Variants in OTUD7A observed in about 807,000 individuals in gnomAD.
OTUD7A encodes OTU domain-containing protein 7A.
Under a neutral mutation model 65.7 loss-of-function variants are expected in OTUD7A, and 12 were observed. That is an observed-to-expected ratio of 0.18 (90% CI 0.12 to 0.30). The LOEUF is 0.30. OTUD7A is among the 10% of genes least tolerant of loss of function. The pLI is 1.00. For missense variants in OTUD7A, 1,148 were observed against 1,304.8 expected, an observed-to-expected ratio of 0.88 and a Z score of 1.85; for synonymous variants, 641 against 586.3, an observed-to-expected ratio of 1.09 and a Z score of -1.35.
chr15:31,533,352 T>G (rs961086864), intron 5 of OTUD7A, among the ~76,000 whole-genome samples: 8 of 151,536 alleles, frequency 5.3e-5, no homozygotes, highest in Non-Finnish European at 1.0e-4. Context: ...TTTTCCTGCC[T>G]CAACCTCCTA....
At chr15:31,535,376 T>C (rs1250392622) in intron 5 of OTUD7A, among the ~76,000 whole-genome samples, 2 of 152,150 alleles carry the variant, frequency 1.3e-5, no homozygotes, top group Non-Finnish European at 2.9e-5. Flanking sequence ...TGATTGTAAG[T>C]TTCCTGAAGC....
chr15:31,695,219 A>G (rs1388274613), intron 1 of OTUD7A, among the ~76,000 whole-genome samples: 1 of 46,018 alleles, frequency 2.2e-5, no homozygotes, highest in South Asian at 1.9e-3. Flanking sequence ...TTGTGGATAG[A>G]GTGCTGCAGT....
At chr15:31,495,987 G>A (rs982898778) in intron 10 of OTUD7A, among the ~76,000 whole-genome samples, 2 of 150,508 alleles carry the variant, frequency 1.3e-5, no homozygotes, top group Non-Finnish European at 2.9e-5. Flanking sequence ...GATCTGTTGA[G>A]CCTGGGAGGT....
intron 1 of OTUD7A, among the ~76,000 whole-genome samples, chr15:31,697,722 C>T (rs757431731): frequency 6.6e-5 from 10 of 152,360 alleles, no homozygotes; most frequent in African/African-American, 1.9e-4. Flanking sequence ...AGCATGCACA[C>T]CTGCTTAAAG....
chr15:31,684,055 A>G (rs1296384495), intron 1 of OTUD7A, among the ~76,000 whole-genome samples: 1 of 152,228 alleles, frequency 6.6e-6, no homozygotes, highest in East Asian at 1.9e-4. Context: ...GTAAGTTGGA[A>G]GCAATTGATT....
intron 2 of OTUD7A, among the ~76,000 whole-genome samples, chr15:31,655,962 C>T (rs1393586459): frequency 1.3e-5 from 2 of 152,164 alleles, no homozygotes; most frequent in African/African-American, 4.8e-5. Context: ...CATCCTACCC[C>T]CTCAGCTCTC....
At chr15:31,668,918 C>G (rs1024834995) in intron 1 of OTUD7A, among the ~76,000 whole-genome samples, 1 of 152,214 alleles carries the variant, frequency 6.6e-6, no homozygotes, top group Non-Finnish European at 1.5e-5. Context: ...ACTGCTGTCT[C>G]TCTTCTGGGT....
In OTUD7A at chr15:31,564,483, A is replaced by G. The variant is rs544073246; in HGVS notation, c.332-5296T>C. Among the ~76,000 whole-genome samples, 4 of 152,060 alleles carry G rather than the reference A, an allele frequency of 2.6e-5. No individual in the cohort carries two copies. The South Asian group carries it at 8.3e-4, about 32-fold the overall frequency. On this transcript the variant is annotated intron_variant, in intron 4 of 12. Transcript: ENST00000307050. ...AGCAAAGGCAACAAAAAGTATCTAA[A>G]TAAGATTGAGAGCAAGTAGAGGCAG...
rs912318882 is a variant in OTUD7A at position 31,484,870 on chromosome 15, G to C, written c.1372-146C>G. Reference sequence around the variant, plus strand: ...AGTCCCCACTGTCGCTCTGGTGACTGTGACATCCGGATGGGCGGTGCTGAA... The same window carrying C: ...AGTCCCCACTGTCGCTCTGGTGACTCTGACATCCGGATGGGCGGTGCTGAA... On this transcript the variant is annotated intron_variant, in intron 12 of 12. Transcript: ENST00000307050. The surrounding 1 kb of genome is among the most constrained non-coding windows in gnomAD (Gnocchi z 4.5). 2 of 1,408,506 alleles carry C rather than the reference G, an allele frequency of 1.4e-6. No individual in the cohort carries two copies. Among genetic ancestry groups the C allele is most frequent in the South Asian group, 1.5e-5 (1 of 68,598 alleles). 87.3% of individuals were successfully genotyped at this position (1,408,506 alleles called of 1,614,324 possible).
chr15:31,560,109 C>T (rs896905432), intron 4 of OTUD7A, among the ~76,000 whole-genome samples: 1 of 152,234 alleles, frequency 6.6e-6, no homozygotes, highest in Admixed American at 6.5e-5. Flanking sequence ...TCTCCCAGGA[C>T]TAAATGGTAC....
intron 10 of OTUD7A, among the ~76,000 whole-genome samples, chr15:31,493,596 A>G (rs1385912557): frequency 6.6e-6 from 1 of 152,260 alleles, no homozygotes; most frequent in African/African-American, 2.4e-5. Context: ...CATATGGAAT[A>G]TTCACCAACA....
intron 1 of OTUD7A, among the ~76,000 whole-genome samples, chr15:31,777,925 G>C (rs1162866178): frequency 7.9e-5 from 12 of 152,202 alleles, no homozygotes. Flanking sequence ...CAGTGAGGGA[G>C]AGGATGAGCA....
chr15:31,508,557 T>G (rs2041619976), intron 8 of OTUD7A, among the ~76,000 whole-genome samples: 1 of 152,220 alleles, frequency 6.6e-6, no homozygotes, highest in Non-Finnish European at 1.5e-5. Flanking sequence ...TTTCACTGTG[T>G]TAGCCAGGAT....
Position 31,535,686 on chromosome 15 carries a change from T to G in OTUD7A, c.551-4878A>C, listed in dbSNP as rs958066230. On this transcript the variant is annotated intron_variant, in intron 5 of 12. Coordinates refer to ENST00000307050, the MANE Select transcript of OTUD7A (RefSeq NM_001382637.1). ...GGGTTCTGTTTTTGTTTTTTTTTTT[T>G]TTTTTTTTGAGACAGAGTCTCGCTC... 2.7e-5 allele frequency among the ~76,000 whole-genome samples: 4 copies of G among 147,572 alleles called. No individual in the cohort carries two copies. The East Asian group carries it at 5.9e-4, about 22-fold the overall frequency.
chr15:31,554,301 G>A (rs750079045), intron 5 of OTUD7A, among the ~76,000 whole-genome samples: 25 of 152,332 alleles, frequency 1.6e-4, no homozygotes, highest in Non-Finnish European at 1.0e-4. Context: ...CCTGGAGTGT[G>A]GAGGTAGCCC....
chr15:31,785,956 G>T (rs1173697528), intron 1 of OTUD7A, among the ~76,000 whole-genome samples: 5 of 152,148 alleles, frequency 3.3e-5, no homozygotes, highest in African/African-American at 9.7e-5. Context: ...AAAAAGTGGG[G>T]TCTTTAAGAG....
intron 10 of OTUD7A, among the ~76,000 whole-genome samples, chr15:31,490,045 G>A (rs2041296212): frequency 6.6e-6 from 1 of 152,250 alleles, no homozygotes; most frequent in African/African-American, 2.4e-5. Flanking sequence ...ACTGCGGCCT[G>A]TGGTGAGGGC....
intron 1 of OTUD7A, chr15:31,766,266 G>C (rs1357911827): frequency 2.5e-6 from 4 of 1,597,228 alleles, no homozygotes; most frequent in Non-Finnish European, 3.4e-6. Flanking sequence ...CGCACCCATT[G>C]CATCATGAAG....
chr15:31,513,797 G>A (rs8042251), intron 8 of OTUD7A, among the ~76,000 whole-genome samples: 108,551 of 152,044 alleles, frequency 0.71, 38,904 homozygotes, highest in East Asian at 0.84. Flanking sequence ...CTAATTTTTC[G>A]TTTGAAATTA....
Sources: gnomAD v4.1 joint callset for allele counts (sites outside exome capture counted in the v4.1 genomes callset) on GRCh38, gnomAD v4.1.1 for gene constraint, Gnocchi (gnomAD v3.1) non-coding constraint, MANE v1.5 for transcripts, NCBI Gene and HGNC (gene_info 2026-07-23, HGNC 2026-07-21) for gene names.